Variants in HTR1F observed in about 807,000 individuals in gnomAD.
The protein encoded by HTR1F is 5-hydroxytryptamine receptor 1F.
HTR1F carries 17 observed loss-of-function variants against 24.0 expected under a neutral mutation model. The ratio of observed to expected loss-of-function variants is 0.71; its 90% CI spans 0.48 to 1.06. The LOEUF (loss-of-function observed/expected upper bound fraction) is 1.06. Ranked by LOEUF, HTR1F falls within the 50% of genes least tolerant of loss-of-function variation. HTR1F has a pLI of 0.00. For missense variants in HTR1F, 391 were observed against 427.8 expected (o/e 0.91, Z 0.76); for synonymous variants, 186 against 156.8 (o/e 1.19, Z -1.39).
intron 2 of HTR1F, among the ~76,000 whole-genome samples, chr3:87,903,313 G>C (rs1188015250): frequency 5.5e-4 from 82 of 149,190 alleles, no homozygotes; most frequent in Non-Finnish European, 9.4e-4. Flanking sequence ...CACAGCAAAA[G>C]AAACTACCAT....
Position 87,991,527 on chromosome 3 carries a change from A to G in HTR1F, c.778A>G (p.Lys260Glu). The change falls in exon 3 of 3, where the codon AAA (lysine) becomes GAA (glutamate). Residue 260 changes from lysine (K) to glutamate (E), a missense_variant. Coordinates refer to ENST00000319595, the MANE Select transcript of HTR1F (RefSeq NM_001322209.2). Reference protein sequence around the residue: ...SLSDPSTDFDKIHSTVRSLRS... With the variant: ...SLSDPSTDFDEIHSTVRSLRS... ...ATCTGACCCATCAACAGACTTTGATAAAATTCATAGCACAGTGAGAAGTCT... is the reference window on the plus strand; with the variant it reads ...ATCTGACCCATCAACAGACTTTGATGAAATTCATAGCACAGTGAGAAGTCT... 6.2e-7 allele frequency: 1 copy of G among 1,614,136 alleles called. No individual in the cohort carries two copies. Among genetic ancestry groups the G allele is most frequent in the Non-Finnish European group, 8.5e-7 (1 of 1,179,982 alleles).
intron 1 of HTR1F, among the ~76,000 whole-genome samples, chr3:87,817,331 A>C (rs1448142785): frequency 2.0e-5 from 3 of 152,188 alleles, no homozygotes; most frequent in Non-Finnish European, 4.4e-5. Flanking sequence ...TGATAAGTAC[A>C]TCTCTATATA....
chr3:87,819,417 C>A (rs1216001737), intron 1 of HTR1F, among the ~76,000 whole-genome samples: 8 of 150,756 alleles, frequency 5.3e-5, no homozygotes, highest in Admixed American at 4.0e-4. Flanking sequence ...TTTTAGAGGG[C>A]AGTTTTATTT....
chr3:87,843,568 G>A (rs1704858516), intron 2 of HTR1F, among the ~76,000 whole-genome samples: 1 of 147,266 alleles, frequency 6.8e-6, no homozygotes, highest in South Asian at 2.1e-4. Flanking sequence ...TAGGGTACAT[G>A]TGCACATTGT....
At chr3:87,966,692 A>G (rs1705169777) in intron 2 of HTR1F, among the ~76,000 whole-genome samples, 1 of 152,250 alleles carries the variant, frequency 6.6e-6, no homozygotes, top group South Asian at 2.1e-4. Context: ...ACATTATTTT[A>G]CATACTTCTT....
At chr3:87,884,767 G>C (rs554794757) in intron 2 of HTR1F, among the ~76,000 whole-genome samples, 33 of 152,236 alleles carry the variant, frequency 2.2e-4, no homozygotes, top group Admixed American at 2.0e-3. Flanking sequence ...TTACATAATG[G>C]TAAAGGGATC....
intron 2 of HTR1F, among the ~76,000 whole-genome samples, chr3:87,920,650 C>T (rs1429472924): frequency 1.3e-5 from 2 of 151,886 alleles, no homozygotes; most frequent in East Asian, 1.9e-4. Flanking sequence ...CATATGTTCT[C>T]ACTTATAAAT....
At chr3:87,924,418 G>A (rs1355525582) in intron 2 of HTR1F, among the ~76,000 whole-genome samples, 1 of 151,994 alleles carries the variant, frequency 6.6e-6, no homozygotes, top group Non-Finnish European at 1.5e-5. Flanking sequence ...TTTCTGTAGT[G>A]ACACGATTTG....
chr3:87,949,496 G>A (rs1003245758), intron 2 of HTR1F, among the ~76,000 whole-genome samples: 8 of 152,204 alleles, frequency 5.3e-5, no homozygotes, highest in African/African-American at 1.9e-4. Flanking sequence ...GGAAACAAGT[G>A]ACATTGAGAA....
At chr3:87,925,219 A>G (rs1704095791) in intron 2 of HTR1F, among the ~76,000 whole-genome samples, 1 of 151,736 alleles carries the variant, frequency 6.6e-6, no homozygotes, top group Non-Finnish European at 1.5e-5. Context: ...GCTCTGGAAG[A>G]CTCCCTGGTC....
chr3:87,943,616 G>A (rs1026351449), intron 2 of HTR1F, among the ~76,000 whole-genome samples: 1 of 152,164 alleles, frequency 6.6e-6, no homozygotes, highest in African/African-American at 2.4e-5. Context: ...GGTAGACTCT[G>A]AGGGCTTCCT....
At chr3:87,903,314 A>G (rs1258943864) in intron 2 of HTR1F, among the ~76,000 whole-genome samples, 7 of 149,638 alleles carry the variant, frequency 4.7e-5, no homozygotes, top group Non-Finnish European at 1.0e-4. Context: ...ACAGCAAAAG[A>G]AACTACCATC....
chr3:87,914,508 C>T (rs1464576779), intron 2 of HTR1F, among the ~76,000 whole-genome samples: 2 of 152,044 alleles, frequency 1.3e-5, no homozygotes, highest in South Asian at 2.1e-4. Context: ...AGAGGGGGCA[C>T]GCTGCAGGTC....
At chr3:87,972,626 C>A (rs1705309203) in intron 2 of HTR1F, among the ~76,000 whole-genome samples, 1 of 152,124 alleles carries the variant, frequency 6.6e-6, no homozygotes, top group African/African-American at 2.4e-5. Context: ...ACCCTATATT[C>A]TTTTCAATCC....
chr3:87,817,380 T>C (rs1417643769), intron 1 of HTR1F, among the ~76,000 whole-genome samples: 1 of 152,154 alleles, frequency 6.6e-6, no homozygotes, highest in Admixed American at 6.5e-5. Context: ...GTCAATACCA[T>C]GCATCTTTGA....
intron 2 of HTR1F, among the ~76,000 whole-genome samples, chr3:87,975,519 T>C (rs1367046997): frequency 6.6e-6 from 1 of 152,190 alleles, no homozygotes; most frequent in Non-Finnish European, 1.5e-5. Flanking sequence ...GTTAATTATG[T>C]CCCGTTCTTC....
chr3:87,924,489 T>C (rs1342208400), intron 2 of HTR1F, among the ~76,000 whole-genome samples: 3 of 152,162 alleles, frequency 2.0e-5, no homozygotes, highest in Non-Finnish European at 4.4e-5. Flanking sequence ...CTCATGTGTT[T>C]TCATGATGGT....
At chr3:87,871,940 C>G (rs1705567484) in intron 2 of HTR1F, among the ~76,000 whole-genome samples, 1 of 152,018 alleles carries the variant, frequency 6.6e-6, no homozygotes, top group South Asian at 2.1e-4. Flanking sequence ...ATATTCTACC[C>G]AACAACAGTG....
intron 1 of HTR1F, among the ~76,000 whole-genome samples, chr3:87,813,190 C>G (rs1021123162): frequency 6.6e-6 from 1 of 152,146 alleles, no homozygotes; most frequent in Non-Finnish European, 1.5e-5. Flanking sequence ...CACAGGTATT[C>G]AATATCAGCC....
Sources: gnomAD v4.1 joint callset for allele counts (sites outside exome capture counted in the v4.1 genomes callset) on GRCh38, gnomAD v4.1.1 for gene constraint, MANE v1.5 for transcripts, NCBI Gene and HGNC (gene_info 2026-07-23, HGNC 2026-07-21) for gene names.